The following ELAPOR2 variants were observed in gnomAD, a reference collection of about 807,000 sequenced individuals.
The protein encoded by ELAPOR2 is endosome-lysosome associated apoptosis and autophagy regulator family member 2.
A neutral mutation model predicts 120.7 loss-of-function variants in ELAPOR2; 89 were observed. The observed-to-expected ratio is 0.74, with a 90% confidence interval of 0.62 to 0.88. The LOEUF is 0.88. Among genes scored for constraint, ELAPOR2 ranks in the 40% least tolerant of loss-of-function variants. The pLI is 0.00. For synonymous variants in ELAPOR2, 444 were observed against 444.9 expected (o/e 1.00, Z 0.03); for missense variants, 1,134 against 1,251.6 (o/e 0.91, Z 1.42).
At chr7:87,042,202 T>C (rs1260077158) in intron 1 of ELAPOR2, among the ~76,000 whole-genome samples, 31 of 150,798 alleles carry the variant, frequency 2.1e-4, no homozygotes, top group Non-Finnish European at 3.1e-4. Context: ...GACAGATCAA[T>C]GAGACAGAAA....
At chr7:87,008,813 G>T (rs534264151) in intron 1 of ELAPOR2, among the ~76,000 whole-genome samples, 2 of 152,318 alleles carry the variant, frequency 1.3e-5, no homozygotes, top group South Asian at 4.1e-4. Flanking sequence ...GGAGCAAAAT[G>T]TAAACAGTGA....
chr7:86,966,711 C>T (rs1791918332), intron 1 of ELAPOR2, among the ~76,000 whole-genome samples: 1 of 152,176 alleles, frequency 6.6e-6, no homozygotes, highest in South Asian at 2.1e-4. Context: ...TATTCTCTCA[C>T]AGTTCTGGAG....
chr7:87,029,617 G>A (rs1486218742), intron 1 of ELAPOR2, among the ~76,000 whole-genome samples: 1 of 152,220 alleles, frequency 6.6e-6, no homozygotes, highest in African/African-American at 2.4e-5. Context: ...AAGACAAGCA[G>A]TTGGATAAGT....
chr7:86,925,525 T>C lies in ELAPOR2; in HGVS notation c.1399+3A>G. 1 of 1,611,236 alleles carries C rather than the reference T, an allele frequency of 6.2e-7. No homozygotes were observed. The highest frequency in any genetic ancestry group is 1.3e-5 in the African/African-American group (1 of 74,886). Reference sequence around the variant, plus strand: ...ACATCAAGTAGGCTGATTTTGAACTTACCATTCATTCCATCGCACTTTGAA... The same window carrying C: ...ACATCAAGTAGGCTGATTTTGAACTCACCATTCATTCCATCGCACTTTGAA... On this transcript the variant is annotated splice_donor_region_variant and intron_variant, in intron 10 of 21. Transcript: ENST00000450689.
intron 21 of ELAPOR2, among the ~76,000 whole-genome samples, chr7:86,887,586 G>C (rs965057526): frequency 6.6e-6 from 1 of 152,080 alleles, no homozygotes; most frequent in South Asian, 2.1e-4. Context: ...ACCATTTGCT[G>C]TCTGACAATA....
intron 18 of ELAPOR2, among the ~76,000 whole-genome samples, chr7:86,898,813 T>A (rs1788572096): frequency 6.6e-6 from 1 of 152,124 alleles, no homozygotes; most frequent in Admixed American, 6.6e-5. Context: ...AGGCCTCATA[T>A]GTTACAGAAG....
At chr7:86,929,570 C>T (rs1374192803) in intron 8 of ELAPOR2, among the ~76,000 whole-genome samples, 2 of 151,992 alleles carry the variant, frequency 1.3e-5, no homozygotes, top group Non-Finnish European at 1.5e-5. Context: ...CCATGCTCAA[C>T]ATGTACAGTT....
intron 19 of ELAPOR2, among the ~76,000 whole-genome samples, chr7:86,894,400 A>C (rs1562902226): frequency 6.6e-6 from 1 of 152,100 alleles, no homozygotes; most frequent in Non-Finnish European, 1.5e-5. Context: ...CAAATTCGTC[A>C]GCAAATGTTG....
intron 1 of ELAPOR2, among the ~76,000 whole-genome samples, chr7:87,017,000 C>T (rs541255028): frequency 2.0e-3 from 303 of 152,162 alleles, no homozygotes; most frequent in African/African-American, 6.9e-3. Flanking sequence ...CATTCTCTTA[C>T]ATTCATTTTC....
chr7:86,944,536 AAC>A (rs1216011138), intron 4 of ELAPOR2, among the ~76,000 whole-genome samples: 1 of 152,142 alleles, frequency 6.6e-6, no homozygotes, highest in African/African-American at 2.4e-5. Flanking sequence ...TGGTTTAAAA[AAC>A]ACAGTTTTGA....
chr7:86,905,564 C>T (rs1339820691), intron 18 of ELAPOR2, among the ~76,000 whole-genome samples: 1 of 151,964 alleles, frequency 6.6e-6, no homozygotes, highest in African/African-American at 2.4e-5. Context: ...GGACTACACC[C>T]TTTAGACTGT....
chr7:86,975,419 T>C (rs1036002690), intron 1 of ELAPOR2, among the ~76,000 whole-genome samples: 1 of 152,346 alleles, frequency 6.6e-6, no homozygotes, highest in Non-Finnish European at 1.5e-5. Context: ...AAGAATCTCT[T>C]AAATCAATAG....
intron 19 of ELAPOR2, among the ~76,000 whole-genome samples, chr7:86,894,581 GCTTAA>G (rs1788348493): frequency 6.6e-6 from 1 of 151,878 alleles, no homozygotes; most frequent in East Asian, 1.9e-4. Context: ...AACCAAGAAT[GCTTAA>G]CTTTTCAATA....
intron 1 of ELAPOR2, among the ~76,000 whole-genome samples, chr7:86,985,505 C>T (rs1044421721): frequency 3.9e-5 from 6 of 152,170 alleles, no homozygotes; most frequent in Non-Finnish European, 8.8e-5. Context: ...ATCAAGTTGG[C>T]TTCAGCCCTG....
Position 86,913,202 on chromosome 7 carries a change from A to G in ELAPOR2, c.1734T>C (p.Asn578=). Residue 578 remains asparagine (N), a splice_region_variant and synonymous_variant, in exon 14 of 22, where the codon AAT becomes AAC. Transcript: ENST00000450689. Reference sequence around the variant, plus strand: ...TCACCATGTCATTGATGAACCGTCTATTCTAAAAAAAAGAGCATAAAGTAA... The same window carrying G: ...TCACCATGTCATTGATGAACCGTCTGTTCTAAAAAAAAGAGCATAAAGTAA... ...AFQRTNQGQD[N]RRFINDMVKI... is the part of the protein sequence containing the mutation. 1.9e-6 allele frequency: 3 copies of G among 1,612,382 alleles called. No homozygotes were observed. Among genetic ancestry groups the G allele is most frequent in the Non-Finnish European group, 2.5e-6 (3 of 1,178,684 alleles).
intron 3 of ELAPOR2, among the ~76,000 whole-genome samples, 164 bp downstream of exon 3, chr7:86,947,563 T>A (rs1464626431): frequency 6.6e-6 from 1 of 152,248 alleles, no homozygotes; most frequent in Non-Finnish European, 1.5e-5. Context: ...TTTAACCTCA[T>A]GAAAACTCAT....
intron 1 of ELAPOR2, among the ~76,000 whole-genome samples, chr7:87,054,569 A>G (rs1427815792): frequency 2.0e-5 from 3 of 152,234 alleles, no homozygotes; most frequent in Non-Finnish European, 4.4e-5. Context: ...CCCATAGCCC[A>G]TGGCCTTCAG....
In ELAPOR2 at chr7:86,919,070, C is replaced by G. The variant is rs551904608; in HGVS notation, c.1490+150G>C. 5.8e-6 allele frequency: 3 copies of G among 520,222 alleles called. No homozygotes were observed. The South Asian group carries it at 9.8e-5, about 17-fold the overall frequency. 32.2% of individuals were successfully genotyped at this position (520,222 alleles called of 1,614,324 possible). ...AATCACTACTTCTACAGATATTCTTCAATATAATACATTACCCTGTGACAG... is the reference window on the plus strand; with the variant it reads ...AATCACTACTTCTACAGATATTCTTGAATATAATACATTACCCTGTGACAG... On this transcript the variant is annotated intron_variant, in intron 11 of 21. Transcript: ENST00000450689.
intron 1 of ELAPOR2, among the ~76,000 whole-genome samples, chr7:87,056,456 A>T (rs1282578296): frequency 1.3e-5 from 2 of 152,188 alleles, no homozygotes; most frequent in Non-Finnish European, 2.9e-5. Flanking sequence ...CCAAAGTCAC[A>T]TCCTATTCTT....
Sources: gnomAD v4.1 joint callset for allele counts (sites outside exome capture counted in the v4.1 genomes callset) on GRCh38, gnomAD v4.1.1 for gene constraint, MANE v1.5 for transcripts, NCBI Gene and HGNC (gene_info 2026-07-23, HGNC 2026-07-21) for gene names.